The following SLC24A2 variants were observed in gnomAD, a reference collection of about 807,000 sequenced individuals.
The protein encoded by SLC24A2 is sodium/potassium/calcium exchanger 2.
A neutral mutation model predicts 62.0 loss-of-function variants in SLC24A2; 36 were observed. That is an observed-to-expected ratio of 0.58 (90% confidence interval 0.44 to 0.77). The LOEUF (loss-of-function observed/expected upper bound fraction) is 0.77, where lower values mean the gene tolerates loss of function less well. SLC24A2 is among the 30% of genes least tolerant of loss of function. SLC24A2 has a pLI of 0.00. For missense variants in SLC24A2, 846 were observed against 817.9 expected, an observed-to-expected ratio of 1.03 and a Z score of -0.42; for synonymous variants, 358 against 294.0, an observed-to-expected ratio of 1.22 and a Z score of -2.23.
intron 8 of SLC24A2, among the ~76,000 whole-genome samples, chr9:19,528,924 G>T (rs1563934981): frequency 6.6e-6 from 1 of 152,040 alleles, no homozygotes; most frequent in Non-Finnish European, 1.5e-5. Context: ...GGCATAAAGT[G>T]TGAGCATTTT....
chr9:19,703,899 T>C (rs1482526735), intron 2 of SLC24A2, among the ~76,000 whole-genome samples: 1 of 152,216 alleles, frequency 6.6e-6, no homozygotes, highest in Non-Finnish European at 1.5e-5. Flanking sequence ...TATGTATGAC[T>C]CAGCAAACTA....
chr9:20,227,823 C>G, the SLC24A2 span, among the ~76,000 whole-genome samples: 2 of 152,084 alleles, frequency 1.3e-5, no homozygotes, highest in Admixed American at 1.3e-4. Context: ...CACACATCTC[C>G]CAACAACTAC....
the SLC24A2 span, among the ~76,000 whole-genome samples, chr9:20,010,675 A>G: frequency 6.6e-6 from 1 of 151,980 alleles, no homozygotes; most frequent in African/African-American, 2.4e-5. Context: ...TTTGTTACAT[A>G]TGTATACATG....
intron 5 of SLC24A2, among the ~76,000 whole-genome samples, chr9:19,584,007 C>T (rs1836285733): frequency 6.6e-6 from 1 of 152,156 alleles, no homozygotes; most frequent in Non-Finnish European, 1.5e-5. Flanking sequence ...CCAACATTCT[C>T]ATGGCACTTT....
At chr9:20,000,271 C>T in the SLC24A2 span, among the ~76,000 whole-genome samples, 1 of 152,142 alleles carries the variant, frequency 6.6e-6, no homozygotes, top group African/African-American at 2.4e-5. Flanking sequence ...GGACTTTGCT[C>T]ATAACAGTTC....
chr9:20,162,269 A>G, the SLC24A2 span, among the ~76,000 whole-genome samples: 1 of 151,756 alleles, frequency 6.6e-6, no homozygotes, highest in Non-Finnish European at 1.5e-5. Flanking sequence ...CATCTACACA[A>G]ACAATAGTTA....
chr9:19,867,792 C>T, the SLC24A2 span, among the ~76,000 whole-genome samples: 3 of 152,132 alleles, frequency 2.0e-5, no homozygotes, highest in East Asian at 1.9e-4. Flanking sequence ...CCTGTAGTCC[C>T]AGCTACTCCG....
chr9:19,856,838 C>A, the SLC24A2 span, among the ~76,000 whole-genome samples: 1 of 152,184 alleles, frequency 6.6e-6, no homozygotes, highest in African/African-American at 2.4e-5. Flanking sequence ...CGCTGCACTG[C>A]ACTGGGGAGA....
chr9:20,144,911 G>A, the SLC24A2 span, among the ~76,000 whole-genome samples: 2 of 151,962 alleles, frequency 1.3e-5, no homozygotes, highest in Non-Finnish European at 2.9e-5. Context: ...TGATTAGATG[G>A]CTTGAAGAGG....
At chr9:20,208,426 G>A in the SLC24A2 span, among the ~76,000 whole-genome samples, 1 of 152,176 alleles carries the variant, frequency 6.6e-6, no homozygotes, top group Admixed American at 6.5e-5. Flanking sequence ...CATGATTCCG[G>A]GTGGTCTGTA....
chr9:19,964,276 G>A, the SLC24A2 span, among the ~76,000 whole-genome samples: 6 of 150,484 alleles, frequency 4.0e-5, no homozygotes, highest in South Asian at 2.1e-4. Flanking sequence ...GCTAAATGAC[G>A]AGTTAATGGG....
the SLC24A2 span, among the ~76,000 whole-genome samples, chr9:20,262,343 A>G: frequency 6.6e-6 from 1 of 152,244 alleles, no homozygotes. Flanking sequence ...TTCCTTGTCT[A>G]TAACATGAGA....
the SLC24A2 span, among the ~76,000 whole-genome samples, chr9:20,214,592 G>A: frequency 2.6e-5 from 4 of 151,654 alleles, no homozygotes; most frequent in African/African-American, 9.7e-5. Context: ...TCCAGCCTGG[G>A]TGACAGAGTG....
At chr9:19,635,413 T>G (rs1818287406) in intron 2 of SLC24A2, among the ~76,000 whole-genome samples, 1 of 152,224 alleles carries the variant, frequency 6.6e-6, no homozygotes, top group Admixed American at 6.5e-5. Context: ...ACAAGCTTAT[T>G]GCCCAGAGAG....
intron 2 of SLC24A2, among the ~76,000 whole-genome samples, chr9:19,674,180 G>C (rs752082364): frequency 1.3e-5 from 2 of 152,126 alleles, no homozygotes; most frequent in African/African-American, 2.4e-5. Context: ...GTTCTAAGAA[G>C]GCTGAAGATA....
At chr9:19,732,022 G>T (rs1169742255) in intron 2 of SLC24A2, among the ~76,000 whole-genome samples, 2 of 152,172 alleles carry the variant, frequency 1.3e-5, no homozygotes, top group South Asian at 4.1e-4. Flanking sequence ...CTGAGATTGG[G>T]TTGGCACATG....
chr9:19,899,184 C>T, the SLC24A2 span, among the ~76,000 whole-genome samples: 79 of 152,274 alleles, frequency 5.2e-4, no homozygotes, highest in Non-Finnish European at 1.0e-3. Flanking sequence ...ACTGGTAAAG[C>T]CTAAGTCACA....
chr9:19,539,099 T>C (rs2132700559), intron 8 of SLC24A2, among the ~76,000 whole-genome samples: 1 of 74,040 alleles, frequency 1.4e-5, no homozygotes, highest in South Asian at 5.8e-4. Flanking sequence ...CTCTCTTTTT[T>C]TCTTTATTAG....
chr9:19,577,898 T>C (rs1836077881), intron 5 of SLC24A2, among the ~76,000 whole-genome samples: 1 of 150,576 alleles, frequency 6.6e-6, no homozygotes, highest in African/African-American at 2.4e-5. Flanking sequence ...GATGGAATAC[T>C]ATGCAGCCAT....
Sources: gnomAD v4.1 joint callset for allele counts (sites outside exome capture counted in the v4.1 genomes callset) on GRCh38, gnomAD v4.1.1 for gene constraint, MANE v1.5 for transcripts, NCBI Gene and HGNC (gene_info 2026-07-23, HGNC 2026-07-21) for gene names.